Variants in DACH2 observed in about 807,000 individuals in gnomAD.
The protein encoded by DACH2 is dachshund homolog 2.
DACH2 carries 17 observed loss-of-function variants against 35.8 expected under a neutral mutation model. The ratio of observed to expected loss-of-function variants is 0.48; its 90% confidence interval spans 0.33 to 0.71. The LOEUF (loss-of-function observed/expected upper bound fraction) is 0.71. Among genes scored for constraint, DACH2 ranks in the 30% least tolerant of loss-of-function variants. The pLI is 0.02. For missense variants in DACH2, 469 were observed against 472.7 expected, an observed-to-expected ratio of 0.99 and a Z score of 0.07; for synonymous variants, 195 against 177.3, an observed-to-expected ratio of 1.10 and a Z score of -0.79.
intron 2 of DACH2, among the ~76,000 whole-genome samples, chrX:86,463,912 C>T (rs1005188998): frequency 7.2e-5 from 8 of 110,974 alleles, no homozygotes; most frequent in Non-Finnish European, 1.1e-4. Context: ...CCAACAAACA[C>T]GAAAAAAAAC....
At chrX:86,397,718 G>T (rs2036327381) in intron 2 of DACH2, among the ~76,000 whole-genome samples, 1 of 111,737 alleles carries the variant, frequency 8.9e-6, no homozygotes, top group Non-Finnish European at 1.9e-5. Context: ...TGTTGAACCA[G>T]CCTTGCATCC....
intron 3 of DACH2, among the ~76,000 whole-genome samples, chrX:86,523,060 T>C (rs1396916296): frequency 1.8e-5 from 2 of 111,976 alleles, no homozygotes; most frequent in Non-Finnish European, 3.8e-5. Context: ...ATGAAAATTC[T>C]GTGGTGTTCA....
Position 86,810,852 on chromosome X carries a change from T to TA in DACH2, c.1241-1994dup, listed in dbSNP as rs998854304. ...TCTTCTAAACCTACCACTGACTTTA[T>TA]AAAAAAAAAAGTAGAGAGGCAAATG... On this transcript the variant is annotated intron_variant, in intron 7 of 11. Coordinates refer to ENST00000373125, the MANE Select transcript of DACH2 (RefSeq NM_053281.3). Among the ~76,000 whole-genome samples the TA allele has an allele frequency of 2.3e-3, 244 of 105,726 alleles. 5 individuals carry two copies. Among genetic ancestry groups the TA allele is most frequent in the African/African-American group, 7.3e-3 (213 of 29,344 alleles). 91.8% of individuals were successfully genotyped at this position (105,726 alleles called of 115,157 possible). A position where few individuals can be genotyped will look rare whatever the true frequency, so the allele number is the denominator to read the frequency against.
chrX:86,394,727 T>C (rs1177169497), intron 2 of DACH2, among the ~76,000 whole-genome samples: 3 of 111,882 alleles, frequency 2.7e-5, no homozygotes, highest in Non-Finnish European at 5.6e-5. Flanking sequence ...TGTAAGACTG[T>C]ATATCCTTTC....
At chrX:86,468,548 C>T (rs1418711206) in intron 2 of DACH2, among the ~76,000 whole-genome samples, 2 of 111,619 alleles carry the variant, frequency 1.8e-5, no homozygotes, top group Non-Finnish European at 3.8e-5. Context: ...ACTGAGAGTA[C>T]TTCCAATTTC....
chrX:86,445,581 A>AAAAAT (rs1556171636), intron 2 of DACH2, among the ~76,000 whole-genome samples: 3 of 101,643 alleles, frequency 3.0e-5, no homozygotes, highest in African/African-American at 1.1e-4. Flanking sequence ...AAAAAAAAAA[A>AAAAAT]GAAATTTTTA....
At chrX:86,327,227 G>A (rs751510395) in intron 1 of DACH2, among the ~76,000 whole-genome samples, 34 of 111,974 alleles carry the variant, frequency 3.0e-4, no homozygotes, top group Admixed American at 8.5e-4. Flanking sequence ...TTGTCACTAT[G>A]AAATATTGGG....
At chrX:86,379,027 A>G (rs1054833437) in intron 2 of DACH2, among the ~76,000 whole-genome samples, 2 of 111,331 alleles carry the variant, frequency 1.8e-5, no homozygotes, top group East Asian at 5.7e-4. Flanking sequence ...TGTCCACAAA[A>G]GAATACTTAA....
At chrX:86,291,636 G>A (rs1388141096) in intron 1 of DACH2, among the ~76,000 whole-genome samples, 1 of 108,355 alleles carries the variant, frequency 9.2e-6, no homozygotes, top group Non-Finnish European at 1.9e-5. Flanking sequence ...TAGCATGAAG[G>A]GTTGTTAAAT....
At chrX:86,428,406 A>T (rs1225427500) in intron 2 of DACH2, among the ~76,000 whole-genome samples, 1 of 112,023 alleles carries the variant, frequency 8.9e-6, no homozygotes, top group African/African-American at 3.2e-5. Flanking sequence ...TACTGAATAC[A>T]GGTGTTAAAG....
chrX:86,667,541 GAAA>G (rs2040702939), intron 4 of DACH2, among the ~76,000 whole-genome samples: 3 of 45,601 alleles, frequency 6.6e-5, no homozygotes, highest in Admixed American at 2.3e-4. Flanking sequence ...AAGAAAGAAA[GAAA>G]GAAGAAAGAA....
intron 3 of DACH2, among the ~76,000 whole-genome samples, chrX:86,543,525 T>C (rs1310134542): frequency 9.1e-6 from 1 of 110,168 alleles, no homozygotes; most frequent in Non-Finnish European, 1.9e-5. Flanking sequence ...TGGATAGGAA[T>C]GAAGATCATT....
At chrX:86,424,325 A>AT (rs1362428175) in intron 2 of DACH2, among the ~76,000 whole-genome samples, 1 of 109,855 alleles carries the variant, frequency 9.1e-6, no homozygotes, top group African/African-American at 3.3e-5. Context: ...AAAATGAAAT[A>AT]TTTTTTTCTA....
chrX:86,648,133 T>A (rs1397637120), intron 3 of DACH2, among the ~76,000 whole-genome samples: 1 of 111,538 alleles, frequency 9.0e-6, no homozygotes, highest in Non-Finnish European at 1.9e-5. Context: ...TTTAAATATA[T>A]GTAATTTGAA....
intron 1 of DACH2, chrX:86,345,419 A>G (rs1315446383): frequency 3.3e-6 from 1 of 303,631 alleles, no homozygotes; most frequent in African/African-American, 2.7e-5. Flanking sequence ...CCTTGCAGGA[A>G]AAAAAATAGA....
intron 6 of DACH2, among the ~76,000 whole-genome samples, chrX:86,716,429 A>T (rs2148461455): frequency 8.9e-6 from 1 of 111,761 alleles, no homozygotes; most frequent in African/African-American, 3.2e-5. Context: ...TGGCAGTGAC[A>T]TGTGCCTGTA....
intron 4 of DACH2, among the ~76,000 whole-genome samples, chrX:86,693,229 A>G (rs1177719948): frequency 1.8e-5 from 2 of 112,293 alleles, no homozygotes; most frequent in Non-Finnish European, 3.8e-5. Context: ...AATTTCCTAC[A>G]TACTAAGCTT....
chrX:86,444,825 T>C (rs1313226225), intron 2 of DACH2, among the ~76,000 whole-genome samples: 1 of 111,617 alleles, frequency 9.0e-6, no homozygotes, highest in Non-Finnish European at 1.9e-5. Context: ...TTATTAGGCT[T>C]ATATTTAAAA....
At chrX:86,760,633 C>G (rs2041871165) in intron 7 of DACH2, among the ~76,000 whole-genome samples, 1 of 111,399 alleles carries the variant, frequency 9.0e-6, no homozygotes, top group African/African-American at 3.3e-5. Context: ...TGTATTTTTT[C>G]CAGTATTCCC....
Sources: gnomAD v4.1 joint callset for allele counts (sites outside exome capture counted in the v4.1 genomes callset) on GRCh38, gnomAD v4.1.1 for gene constraint, MANE v1.5 for transcripts, NCBI Gene and HGNC (gene_info 2026-07-23, HGNC 2026-07-21) for gene names.